CCSER1: variants seen among roughly 807,000 people sequenced by gnomAD.
The protein encoded by CCSER1 is coiled-coil serine rich protein 1.
A neutral mutation model predicts 82.0 loss-of-function variants in CCSER1; 41 were observed. The ratio of observed to expected loss-of-function variants is 0.50; its 90% CI spans 0.39 to 0.65. The LOEUF (loss-of-function observed/expected upper bound fraction) is 0.65. CCSER1 is among the 30% of genes least tolerant of loss of function. CCSER1 has a pLI of 0.00. For missense variants in CCSER1, 1,119 were observed against 1,064.2 expected (o/e 1.05, Z -0.72); for synonymous variants, 414 against 383.9 (o/e 1.08, Z -0.92).
At chr4:91,370,948 G>A (rs7682578) in intron 10 of CCSER1, among the ~76,000 whole-genome samples, 62,277 of 151,628 alleles carry the variant, frequency 0.41, 13,318 homozygotes, top group East Asian at 0.78. Context: ...TGCAACCTCC[G>A]CCTCCTGGGT....
At chr4:91,038,194 C>T (rs1741619216) in intron 9 of CCSER1, among the ~76,000 whole-genome samples, 1 of 152,108 alleles carries the variant, frequency 6.6e-6, no homozygotes, top group African/African-American at 2.4e-5. Context: ...TAAGTACTGA[C>T]TGTCCTTGTT....
intron 5 of CCSER1, among the ~76,000 whole-genome samples, chr4:90,491,493 T>C (rs919011780): frequency 2.6e-5 from 4 of 152,222 alleles, no homozygotes; most frequent in African/African-American, 7.2e-5. Flanking sequence ...CTTTTCCTAA[T>C]TGAATACCCT....
At chr4:90,391,237 C>T (rs1290694231) in intron 3 of CCSER1, among the ~76,000 whole-genome samples, 8 of 132,150 alleles carry the variant, frequency 6.1e-5, no homozygotes, top group African/African-American at 9.1e-5. Context: ...CGTGCCATTG[C>T]GCTCCAGCCT....
intron 8 of CCSER1, among the ~76,000 whole-genome samples, chr4:90,882,724 C>A (rs1721519897): frequency 6.6e-6 from 1 of 151,668 alleles, no homozygotes; most frequent in South Asian, 2.1e-4. Context: ...TTTTCTAATT[C>A]ATTCTATGAT....
At chr4:91,460,352 A>G (rs1756437351) in intron 10 of CCSER1, among the ~76,000 whole-genome samples, 1 of 152,134 alleles carries the variant, frequency 6.6e-6, no homozygotes, top group African/African-American at 2.4e-5. Flanking sequence ...GAGGTAAGAG[A>G]AAATAATGCA....
intron 10 of CCSER1, among the ~76,000 whole-genome samples, chr4:91,399,525 G>A (rs1429164992): frequency 6.6e-6 from 1 of 151,922 alleles, no homozygotes; most frequent in Non-Finnish European, 1.5e-5. Flanking sequence ...CCACTGAACA[G>A]GGATTCTGAA....
intron 1 of CCSER1, among the ~76,000 whole-genome samples, chr4:90,174,242 CAGG>C (rs1732259582): frequency 6.6e-6 from 1 of 151,642 alleles, no homozygotes. Context: ...CTGTATATAC[CAGG>C]AGTTTACAAC....
chr4:91,067,672 C>A (rs1720985654), intron 9 of CCSER1, among the ~76,000 whole-genome samples: 1 of 152,116 alleles, frequency 6.6e-6, no homozygotes, highest in Non-Finnish European at 1.5e-5. Context: ...GTAAATTACA[C>A]CCTTTGTGAT....
chr4:91,321,691 C>G (rs778888835), intron 10 of CCSER1, among the ~76,000 whole-genome samples: 49 of 151,972 alleles, frequency 3.2e-4, no homozygotes, highest in Non-Finnish European at 5.4e-4. Flanking sequence ...AAATCATGCT[C>G]ACACTTAGTT....
intron 7 of CCSER1, among the ~76,000 whole-genome samples, chr4:90,809,441 AACTAAATACCCCATGTTCTTAT>A (rs1757958386): frequency 6.6e-6 from 1 of 152,118 alleles, no homozygotes; most frequent in Admixed American, 6.5e-5. Flanking sequence ...AGGAATGGAA[AACTAAATACCCCATGTTCTTAT>A]TTATAAGTGG....
intron 10 of CCSER1, among the ~76,000 whole-genome samples, chr4:91,158,451 C>A (rs899340071): frequency 2.0e-5 from 3 of 151,912 alleles, no homozygotes; most frequent in African/African-American, 7.3e-5. Context: ...AAAATGTTTT[C>A]CCTCTTTTGT....
intron 3 of CCSER1, among the ~76,000 whole-genome samples, chr4:90,367,783 A>C (rs149182366): frequency 6.6e-6 from 1 of 152,054 alleles, no homozygotes; most frequent in East Asian, 1.9e-4. Flanking sequence ...GGGAAGTACC[A>C]GCAATTAAAA....
chr4:90,314,273 T>C (rs1376489587), intron 3 of CCSER1, among the ~76,000 whole-genome samples: 2 of 152,226 alleles, frequency 1.3e-5, no homozygotes, highest in Non-Finnish European at 2.9e-5. Context: ...TTTTGTTCTT[T>C]TGTGCATTGG....
In CCSER1 at chr4:91,602,090, G is replaced by T. The variant is rs374024992; in HGVS notation, c.*3033G>T. ...GATGTGAATCCACCACTATCAATAC[G>T]GTCAGGGTAAAACCTGGAGCCACAT... On this transcript the variant is annotated 3_prime_UTR_variant, in exon 11 of 11. Coordinates refer to ENST00000509176, the MANE Select transcript of CCSER1 (RefSeq NM_001145065.2). Among the ~76,000 whole-genome samples the T allele has an allele frequency of 1.3e-5, 2 of 151,928 alleles. No individual in the cohort carries two copies. The highest frequency in any genetic ancestry group is 2.9e-5 in the Non-Finnish European group (2 of 67,926).
intron 10 of CCSER1, among the ~76,000 whole-genome samples, chr4:91,190,736 T>C (rs1175098275): frequency 6.6e-6 from 1 of 152,202 alleles, no homozygotes; most frequent in Non-Finnish European, 1.5e-5. Context: ...AAAAAGTACA[T>C]TGTCTTACGG....
At chr4:91,435,089 T>C (rs1464782426) in intron 10 of CCSER1, among the ~76,000 whole-genome samples, 1 of 152,160 alleles carries the variant, frequency 6.6e-6, no homozygotes, top group East Asian at 1.9e-4. Context: ...AGCTGCACAT[T>C]TTCTTGTTAG....
chr4:90,213,289 T>G (rs1342497369), intron 1 of CCSER1, among the ~76,000 whole-genome samples: 2 of 152,096 alleles, frequency 1.3e-5, no homozygotes, highest in Non-Finnish European at 2.9e-5. Context: ...AAATATGGAA[T>G]TGCCATTTTC....
rs146073918 is a variant in CCSER1 at position 91,584,896 on chromosome 4, T to G, written c.2218-13676T>G. ...TTATAACCACTGTTTGTGACACATGTCTTCCTTCATTCTTAACAAGTGTAT... is the reference window on the plus strand; with the variant it reads ...TTATAACCACTGTTTGTGACACATGGCTTCCTTCATTCTTAACAAGTGTAT... On this transcript the variant is annotated intron_variant, in intron 10 of 10. Coordinates refer to ENST00000509176, the MANE Select transcript of CCSER1 (RefSeq NM_001145065.2). 1.1e-4 allele frequency among the ~76,000 whole-genome samples: 16 copies of G among 151,652 alleles called. No homozygotes were observed. In the East Asian group the frequency reaches 2.7e-3, roughly 26 times the overall value.
At chr4:91,321,898 A>G (rs1746225996) in intron 10 of CCSER1, among the ~76,000 whole-genome samples, 1 of 152,120 alleles carries the variant, frequency 6.6e-6, no homozygotes, top group African/African-American at 2.4e-5. Flanking sequence ...TTCCTTTTAC[A>G]AGTACAATAT....
Sources: gnomAD v4.1 joint callset for allele counts (sites outside exome capture counted in the v4.1 genomes callset) on GRCh38, gnomAD v4.1.1 for gene constraint, MANE v1.5 for transcripts, NCBI Gene and HGNC (gene_info 2026-07-23, HGNC 2026-07-21) for gene names.